PCDHGB1: variants seen among roughly 807,000 people sequenced by gnomAD.
The protein encoded by PCDHGB1 is protocadherin gamma subfamily B, 1.
PCDHGB1 carries 34 observed loss-of-function variants against 56.6 expected under a neutral mutation model. The observed-to-expected ratio is 0.60, with a 90% CI of 0.46 to 0.80. The LOEUF (loss-of-function observed/expected upper bound fraction) is 0.80. Among genes scored for constraint, PCDHGB1 ranks in the 30% least tolerant of loss-of-function variants. The probability of loss-of-function intolerance (pLI) is 0.00; values close to 1 mark genes in which losing one functional copy is unlikely to be tolerated. For synonymous variants in PCDHGB1, 561 were observed against 505.9 expected (o/e 1.11, Z -1.46); for missense variants, 1,278 against 1,204.6 (o/e 1.06, Z -0.90).
intron 1 of PCDHGB1, among the ~76,000 whole-genome samples, chr5:141,354,719 G>A (rs1759615571): frequency 6.6e-6 from 1 of 152,042 alleles, no homozygotes; most frequent in African/African-American, 2.4e-5. Context: ...ATGGGCTGTG[G>A]GGATGAACAA....
At chr5:141,419,667 G>T in intron 1 of PCDHGB1, 1 of 1,612,894 alleles carries the variant, frequency 6.2e-7, no homozygotes, top group South Asian at 1.1e-5. Flanking sequence ...CACAATGCCT[G>T]GCTGTCCTAC....
At chr5:141,371,216 T>C (rs375835701) in intron 1 of PCDHGB1, 5 of 1,614,056 alleles carry the variant, frequency 3.1e-6, no homozygotes, top group Middle Eastern at 1.6e-4. Flanking sequence ...AGGGCATCAA[T>C]GCCGAAATCA....
chr5:141,366,934 G>A, intron 1 of PCDHGB1: 1 of 893,774 alleles, frequency 1.1e-6, no homozygotes, highest in Non-Finnish European at 1.6e-6. Flanking sequence ...GTTTTGGGAA[G>A]TCTAGCTGAT....
At position 141,476,456 on chromosome 5, in the gene PCDHGB1, A is replaced by C; in HGVS notation, c.2410-18351A>C. The C allele has an allele frequency of 6.2e-7, 1 of 1,614,058 alleles. No homozygotes were observed. Among genetic ancestry groups the C allele is most frequent in the Non-Finnish European group, 8.5e-7 (1 of 1,180,010 alleles). On this transcript the variant is annotated intron_variant, in intron 1 of 3. Transcript: ENST00000523390. The surrounding 1 kb of genome is among the most constrained non-coding windows in gnomAD (Gnocchi z 7.6). ...TGTAACTCTGGAGTTGGTAGTGGAGAACCCGCTGGAGCTGTTCAGCGTGGA... is the reference window on the plus strand; with the variant it reads ...TGTAACTCTGGAGTTGGTAGTGGAGCACCCGCTGGAGCTGTTCAGCGTGGA...
intron 1 of PCDHGB1, chr5:141,478,270 C>G (rs1347709530): frequency 5.6e-6 from 9 of 1,614,078 alleles, no homozygotes; most frequent in Non-Finnish European, 6.8e-6. Context: ...TCAAAGTTTA[C>G]AAGTGGAAGC....
chr5:141,444,947 C>G (rs2098452252), intron 1 of PCDHGB1, among the ~76,000 whole-genome samples: 1 of 152,054 alleles, frequency 6.6e-6, no homozygotes, highest in Non-Finnish European at 1.5e-5. Context: ...GGAGGAGGAT[C>G]ATCTTAACAA....
intron 1 of PCDHGB1, among the ~76,000 whole-genome samples, chr5:141,387,106 A>G (rs2090822229): frequency 6.6e-6 from 1 of 152,238 alleles, no homozygotes; most frequent in African/African-American, 2.4e-5. Context: ...GAATCACATA[A>G]TATTCCTGTA....
chr5:141,485,930 G>A lies in PCDHGB1; in HGVS notation c.2410-8877G>A. ...ATCCAGCTACAGGATTAGTGTGTTG[G>A]AGAGCGCACCAGCGGGCATGGTGCT... On this transcript the variant is annotated intron_variant, in intron 1 of 3. Transcript: ENST00000523390. This position sits in a 1 kb window ranked among gnomAD's most constrained non-coding sequence, Gnocchi z 5.7. The A allele has an allele frequency of 6.2e-7, 1 of 1,614,178 alleles. No homozygotes were observed. Among genetic ancestry groups the A allele is most frequent in the Non-Finnish European group, 8.5e-7 (1 of 1,180,042 alleles).
In PCDHGB1 at chr5:141,486,610, C is replaced by G; in HGVS notation, c.2410-8197C>G. 6.2e-7 allele frequency: 1 copy of G among 1,613,620 alleles called. No homozygotes were observed. The highest frequency in any genetic ancestry group is 8.5e-7 in the Non-Finnish European group (1 of 1,180,038). On this transcript the variant is annotated intron_variant, in intron 1 of 3. Coordinates refer to ENST00000523390, the MANE Select transcript of PCDHGB1 (RefSeq NM_018922.3). This position sits in a 1 kb window ranked among gnomAD's most constrained non-coding sequence, Gnocchi z 5.0. ...GGGACCTGCTTTGCTCCCTTGCAGC[C>G]TCTGACCCAGACTCTGGCTTGAATG...
At chr5:141,365,299 T>TGGAG (rs1561533738) in intron 1 of PCDHGB1, 1 of 1,614,002 alleles carries the variant, frequency 6.2e-7, no homozygotes, top group South Asian at 1.1e-5. Context: ...TAGCTCAGGA[T>TGGAG]GGAGGCGCTC....
chr5:141,475,343 G>A (rs1425482944), intron 1 of PCDHGB1, among the ~76,000 whole-genome samples: 1 of 152,178 alleles, frequency 6.6e-6, no homozygotes, highest in Non-Finnish European at 1.5e-5. Flanking sequence ...ATGACATCCA[G>A]TTTTAAAAGA....
At chr5:141,384,231 C>T in intron 1 of PCDHGB1, 2 of 1,613,928 alleles carry the variant, frequency 1.2e-6, no homozygotes, top group Non-Finnish European at 1.7e-6. Flanking sequence ...AGGTGGCAGA[C>T]ACCAACGATA....
At position 141,350,607 on chromosome 5, in the gene PCDHGB1, T is replaced by A. The variant is rs1758516566; in HGVS notation, c.347T>A (p.Val116Glu). 1.9e-6 allele frequency: 3 copies of A among 1,614,050 alleles called. No individual in the cohort carries two copies. The highest frequency in any genetic ancestry group is 2.5e-6 in the Non-Finnish European group (3 of 1,179,900). ...GAAAACCCAATGAATGTTTTCCACG[T>A]GGTTGTTGTAATCCAAGATATTAAT... ...VAENPMNVFH[V>E]VVVIQDINDN... is the part of the protein sequence containing the mutation. The change falls in exon 1 of 4, where the codon GTG (valine) becomes GAG (glutamate). Residue 116 changes from valine to glutamate, a missense_variant. By Grantham distance (121) the Val-to-Glu change is moderately radical. Coordinates refer to ENST00000523390, the MANE Select transcript of PCDHGB1 (RefSeq NM_018922.3).
intron 1 of PCDHGB1, chr5:141,364,524 G>A (rs773568307): frequency 3.1e-6 from 5 of 1,614,056 alleles, no homozygotes; most frequent in Middle Eastern, 1.7e-4. Context: ...CGCGGAGTCC[G>A]CATCGTCTCC....
intron 1 of PCDHGB1, among the ~76,000 whole-genome samples, chr5:141,401,910 T>A (rs562648950): frequency 2.1e-4 from 32 of 152,336 alleles, no homozygotes; most frequent in African/African-American, 5.3e-4. Flanking sequence ...AATTATTATA[T>A]AAGTTTAAGT....
intron 1 of PCDHGB1, chr5:141,385,782 T>G (rs1169105462): frequency 6.2e-6 from 1 of 160,564 alleles, no homozygotes; most frequent in Non-Finnish European, 1.3e-5. Context: ...TCCATGTACC[T>G]CAGCTTGGTG....
At position 141,351,053 on chromosome 5, in the gene PCDHGB1, G is replaced by A; in HGVS notation, c.793G>A (p.Asp265Asn). 2.5e-6 allele frequency: 4 copies of A among 1,614,060 alleles called. No individual in the cohort carries two copies. The highest frequency in any genetic ancestry group is 3.4e-6 in the Non-Finnish European group (4 of 1,179,906). The change falls in exon 1 of 4, where the codon GAC (aspartate) becomes AAC (asparagine). Residue 265 changes from aspartate to asparagine, a missense_variant. Asp to Asn is a conservative substitution (Grantham distance 23). Transcript: ENST00000523390. ...CTCCGTGCTGCGGGTGATGGCCACA[G>A]ACCAGGATGAGGGCATTAATGCAGA... is the stretch of plus-strand genomic sequence containing the variant. ...GTSVLRVMAT[D>N]QDEGINAEIT...
rs752730619 is a variant in PCDHGB1, at chr5:141,374,101, G to T, written c.2409+21432G>T. On this transcript the variant is annotated intron_variant, in intron 1 of 3. Coordinates refer to ENST00000523390, the MANE Select transcript of PCDHGB1 (RefSeq NM_018922.3). Reference sequence around the variant, plus strand: ...AGCCAGTAATGGCGCCTCCGCAGAGGCATCCGCAGCGCAGCGAGCAGGTCC... The same window carrying T: ...AGCCAGTAATGGCGCCTCCGCAGAGTCATCCGCAGCGCAGCGAGCAGGTCC... 2 of 1,565,390 alleles carry T rather than the reference G, an allele frequency of 1.3e-6. No individual in the cohort carries two copies. The highest frequency in any genetic ancestry group is 1.7e-6 in the Non-Finnish European group (2 of 1,154,124).
Position 141,487,649 on chromosome 5 carries a change from G to T in PCDHGB1, c.2410-7158G>T. The T allele has an allele frequency of 1.2e-6, 2 of 1,614,020 alleles. No individual in the cohort carries two copies. The highest frequency in any genetic ancestry group is 1.7e-6 in the Non-Finnish European group (2 of 1,179,968). The stretch of plus-strand genomic sequence containing the variant: ...TTTGCAGGCTCAACAAATGCTTGAG[G>T]GTTATTCTGATCCAGGCATATGGCT... On this transcript the variant is annotated intron_variant, in intron 1 of 3. Coordinates refer to ENST00000523390, the MANE Select transcript of PCDHGB1 (RefSeq NM_018922.3). This position sits in a 1 kb window ranked among gnomAD's most constrained non-coding sequence, Gnocchi z 5.0.
Sources: gnomAD v4.1 joint callset for allele counts (sites outside exome capture counted in the v4.1 genomes callset) on GRCh38, gnomAD v4.1.1 for gene constraint, Gnocchi (gnomAD v3.1) non-coding constraint, MANE v1.5 for transcripts, NCBI Gene and HGNC (gene_info 2026-07-23, HGNC 2026-07-21) for gene names.